Variants in TASP1 observed in about 807,000 individuals in gnomAD.
TASP1 encodes threonine aspartase 1.
TASP1 carries 16 observed loss-of-function variants against 56.6 expected under a neutral mutation model. That is an observed-to-expected ratio of 0.28 (90% CI 0.19 to 0.43). TASP1 has a LOEUF of 0.43. TASP1 is among the 20% of genes least tolerant of loss of function. The pLI, the probability that TASP1 is intolerant of heterozygous loss-of-function variation, is 1.00. For missense variants in TASP1, 393 were observed against 511.6 expected, an observed-to-expected ratio of 0.77 and a Z score of 2.24; for synonymous variants, 179 against 184.2, an observed-to-expected ratio of 0.97 and a Z score of 0.23.
At chr20:13,169,005 GAAATGT>G in the TASP1 span, 2 of 144,440 alleles carry the variant, frequency 1.4e-5, no homozygotes, top group African/African-American at 5.1e-5. Flanking sequence ...AGGACAGAGA[GAAATGT>G]ATGTTTCACT....
At chr20:13,236,250 CAG>C in the TASP1 span, among the ~76,000 whole-genome samples, 6 of 152,122 alleles carry the variant, frequency 3.9e-5, no homozygotes, top group Non-Finnish European at 8.8e-5. Flanking sequence ...AGGACCTGCT[CAG>C]AGTTACAATT....
chr20:13,470,148 T>G (rs1400035567), intron 11 of TASP1, among the ~76,000 whole-genome samples: 1 of 152,086 alleles, frequency 6.6e-6, no homozygotes, highest in African/African-American at 2.4e-5. Flanking sequence ...CCATTGAGTA[T>G]TATCTCTCTA....
chr20:13,160,310 A>G, the TASP1 span, among the ~76,000 whole-genome samples: 1 of 152,194 alleles, frequency 6.6e-6, no homozygotes, highest in Non-Finnish European at 1.5e-5. Context: ...CACTGTGACC[A>G]CTCAGTAGAT....
intron 4 of TASP1, among the ~76,000 whole-genome samples, chr20:13,618,135 C>T (rs1312557571): frequency 1.3e-5 from 2 of 152,096 alleles, no homozygotes; most frequent in Admixed American, 6.6e-5. Context: ...GCTAGCTGGG[C>T]ACGGTGGCTC....
chr20:13,375,665 T>C, the TASP1 span, among the ~76,000 whole-genome samples: 2 of 152,248 alleles, frequency 1.3e-5, no homozygotes, highest in Non-Finnish European at 1.5e-5. Context: ...CCACACTGTA[T>C]TCCACAATGT....
chr20:13,164,584 G>C, the TASP1 span: 3 of 613,782 alleles, frequency 4.9e-6, no homozygotes, highest in Non-Finnish European at 8.8e-6. Flanking sequence ...ATTCCTCTAG[G>C]GTCTTAAACC....
At chr20:13,364,958 C>T in the TASP1 span, among the ~76,000 whole-genome samples, 1 of 152,022 alleles carries the variant, frequency 6.6e-6, no homozygotes, top group East Asian at 1.9e-4. Context: ...TGGTTGCATG[C>T]CTAAATATTA....
At chr20:13,332,111 C>T in the TASP1 span, among the ~76,000 whole-genome samples, 16 of 152,146 alleles carry the variant, frequency 1.1e-4, no homozygotes, top group African/African-American at 3.9e-4. Context: ...AAAGATTTTC[C>T]TCCCATGGAC....
chr20:13,231,224 T>C, the TASP1 span, among the ~76,000 whole-genome samples: 1 of 152,184 alleles, frequency 6.6e-6, no homozygotes, highest in Non-Finnish European at 1.5e-5. Context: ...AGAGTTTCCA[T>C]GAGGCCCCTG....
At chr20:13,362,850 CCT>C in the TASP1 span, among the ~76,000 whole-genome samples, 8 of 92,534 alleles carry the variant, frequency 8.6e-5, no homozygotes, top group Admixed American at 3.0e-4. Context: ...TGTCTCTCCC[CCT>C]GTTTCTTGCA....
chr20:13,394,318 A>AAAAAAAAAAAAAAAAAAAAAAAG (rs1568741093), intron 13 of TASP1, among the ~76,000 whole-genome samples: 1 of 146,522 alleles, frequency 6.8e-6, no homozygotes, highest in African/African-American at 2.6e-5. Flanking sequence ...AAAAAAAAAA[A>AAAAAAAAAAAAAAAAAAAAAAAG]AAAAAAAAAA....
intron 8 of TASP1, among the ~76,000 whole-genome samples, chr20:13,552,677 T>C (rs1001449494): frequency 3.3e-5 from 5 of 152,174 alleles, no homozygotes; most frequent in Admixed American, 1.3e-4. Flanking sequence ...TGTTGAAAGC[T>C]GATCCAAAAT....
chr20:13,243,399 CCT>C, the TASP1 span, among the ~76,000 whole-genome samples: 1 of 152,118 alleles, frequency 6.6e-6, no homozygotes, highest in African/African-American at 2.4e-5. Flanking sequence ...AAATGTATTC[CCT>C]GATAAGGGTT....
At chr20:13,514,408 C>A (rs550817115) in intron 10 of TASP1, among the ~76,000 whole-genome samples, 1 of 152,178 alleles carries the variant, frequency 6.6e-6, no homozygotes, top group African/African-American at 2.4e-5. Context: ...TGCAATGGTG[C>A]GAAGTGAGAA....
chr20:13,328,758 G>T, the TASP1 span, among the ~76,000 whole-genome samples: 1 of 144,416 alleles, frequency 6.9e-6, no homozygotes, highest in South Asian at 2.3e-4. Context: ...TGAATGATGA[G>T]AACACATGGT....
At chr20:13,255,018 T>C in the TASP1 span, among the ~76,000 whole-genome samples, 2 of 152,236 alleles carry the variant, frequency 1.3e-5, no homozygotes, top group Non-Finnish European at 2.9e-5. Context: ...CCCTGCCTCA[T>C]GGTTCTGACA....
chr20:13,184,327 T>C, the TASP1 span, among the ~76,000 whole-genome samples: 1 of 152,166 alleles, frequency 6.6e-6, no homozygotes, highest in Non-Finnish European at 1.5e-5. Flanking sequence ...TGAAAAGTGA[T>C]TTAATTGTAT....
chr20:13,417,659 T>C (rs2042302350), intron 12 of TASP1, 138 bp from the exon 13 acceptor site: 8 of 862,324 alleles, frequency 9.3e-6, no homozygotes, highest in Non-Finnish European at 1.4e-5. Flanking sequence ...TGTTCATAAA[T>C]GTCAAGATGA....
chr20:13,587,859 C>T (rs1386979656), intron 4 of TASP1, among the ~76,000 whole-genome samples: 1 of 152,108 alleles, frequency 6.6e-6, no homozygotes, highest in African/African-American at 2.4e-5. Flanking sequence ...GGCGCAGTGG[C>T]TCACACCTGT....
Sources: allele counts gnomAD v4.1 joint callset (sites outside exome capture counted in the v4.1 genomes callset), GRCh38; gene constraint gnomAD v4.1.1; transcripts MANE v1.5; gene names NCBI Gene and HGNC (gene_info 2026-07-23, HGNC 2026-07-21).